The following HECW1 variants were observed in gnomAD, a reference collection of about 807,000 sequenced individuals.
HECW1 encodes HECT, C2 and WW domain containing E3 ubiquitin protein ligase 1.
HECW1 carries 61 observed loss-of-function variants against 182.3 expected under a neutral mutation model. The observed-to-expected ratio is 0.33, with a 90% CI of 0.27 to 0.41. The LOEUF is 0.41. HECW1 is among the 10% of genes least tolerant of loss of function. The probability of loss-of-function intolerance (pLI) is 1.00; values close to 1 mark genes in which losing one functional copy is unlikely to be tolerated. For missense variants in HECW1, 1,739 were observed against 2,108.9 expected (o/e 0.82, Z 3.44); for synonymous variants, 859 against 832.6 (o/e 1.03, Z -0.55).
At chr7:43,164,591 C>T (rs745315084) in intron 2 of HECW1, among the ~76,000 whole-genome samples, 1 of 152,238 alleles carries the variant, frequency 6.6e-6, no homozygotes, top group Non-Finnish European at 1.5e-5. Flanking sequence ...TTTATCAGGC[C>T]TCCTGAGGGT....
chr7:43,339,192 T>A (rs1440621257), intron 5 of HECW1, among the ~76,000 whole-genome samples: 1 of 152,240 alleles, frequency 6.6e-6, no homozygotes, highest in African/African-American at 2.4e-5. Flanking sequence ...TGAGAAGCTA[T>A]TATCTTCTCA....
At chr7:43,461,037 A>G (rs1326986216) in intron 13 of HECW1, among the ~76,000 whole-genome samples, 1 of 152,244 alleles carries the variant, frequency 6.6e-6, no homozygotes, top group Non-Finnish European at 1.5e-5. Flanking sequence ...ACAACTTGAC[A>G]TTTGTCTAAG....
intron 21 of HECW1, among the ~76,000 whole-genome samples, chr7:43,502,456 A>G (rs2079403544): frequency 6.6e-6 from 1 of 152,160 alleles, no homozygotes; most frequent in East Asian, 1.9e-4. Context: ...CAAGAGTTCG[A>G]GACCAGCCTG....
chr7:43,260,062 C>T (rs115509549), intron 3 of HECW1, among the ~76,000 whole-genome samples: 225 of 152,076 alleles, frequency 1.5e-3, no homozygotes, highest in African/African-American at 5.1e-3. Context: ...ATAAAAGCAA[C>T]CACAGGAAAA....
chr7:43,215,020 G>A (rs558748709), intron 2 of HECW1, among the ~76,000 whole-genome samples: 1 of 152,318 alleles, frequency 6.6e-6, no homozygotes, highest in East Asian at 1.9e-4. Flanking sequence ...CCCCTTTTGG[G>A]TATTTATTCA....
chr7:43,224,424 A>G (rs901943063), intron 2 of HECW1, among the ~76,000 whole-genome samples: 3 of 152,196 alleles, frequency 2.0e-5, no homozygotes, highest in Non-Finnish European at 4.4e-5. Context: ...GACACTCACA[A>G]CCTAGCTGAG....
chr7:43,130,919 A>G (rs1463090923), intron 2 of HECW1, among the ~76,000 whole-genome samples: 1 of 152,206 alleles, frequency 6.6e-6, no homozygotes, highest in Non-Finnish European at 1.5e-5. Flanking sequence ...ATATGTATGT[A>G]TCTATTATGC....
At chr7:43,115,083 C>T (rs1784935444) in intron 2 of HECW1, among the ~76,000 whole-genome samples, 1 of 152,172 alleles carries the variant, frequency 6.6e-6, no homozygotes, top group Admixed American at 6.5e-5. Context: ...TGGCTGGTTT[C>T]TATCGTTCTT....
intron 2 of HECW1, among the ~76,000 whole-genome samples, chr7:43,209,756 A>T (rs1795834948): frequency 6.6e-6 from 1 of 152,164 alleles, no homozygotes; most frequent in African/African-American, 2.4e-5. Context: ...AATGTGGAGA[A>T]GAGTGGACAT....
intron 24 of HECW1, among the ~76,000 whole-genome samples, chr7:43,526,093 T>G (rs1474105802): frequency 6.6e-6 from 1 of 152,254 alleles, no homozygotes; most frequent in African/African-American, 2.4e-5. Context: ...GGCTTATGCA[T>G]TCCATATTTT....
chr7:43,393,437 C>T (rs143038683), intron 6 of HECW1, among the ~76,000 whole-genome samples: 16 of 152,310 alleles, frequency 1.1e-4, no homozygotes, highest in African/African-American at 3.6e-4. Context: ...CAACGCATCT[C>T]GAGTGAGAAG....
chr7:43,300,436 GAAC>G (rs1235019464), intron 3 of HECW1, among the ~76,000 whole-genome samples: 1 of 152,202 alleles, frequency 6.6e-6, no homozygotes, highest in Non-Finnish European at 1.5e-5. Context: ...TCTGGAATAT[GAAC>G]TGGCTTTGTC....
chr7:43,479,517 G>A (rs1563032609), intron 16 of HECW1, 93 bp from the exon 17 acceptor site: 1 of 1,450,506 alleles, frequency 6.9e-7, no homozygotes. Context: ...ATAAACCTGA[G>A]GCCTGGGCCC....
intron 3 of HECW1, among the ~76,000 whole-genome samples, chr7:43,304,192 G>A (rs1480925096): frequency 6.6e-6 from 1 of 152,104 alleles, no homozygotes; most frequent in Non-Finnish European, 1.5e-5. Flanking sequence ...TCTGGATAAA[G>A]CTGCCCTGGC....
chr7:43,179,678 A>T (rs1192548633), intron 2 of HECW1, among the ~76,000 whole-genome samples: 2 of 152,192 alleles, frequency 1.3e-5, no homozygotes, highest in African/African-American at 4.8e-5. Context: ...AAATATATTT[A>T]GTATTGCTTA....
intron 8 of HECW1, among the ~76,000 whole-genome samples, chr7:43,433,692 C>T (rs2076620792): frequency 6.6e-6 from 1 of 152,124 alleles, no homozygotes; most frequent in Non-Finnish European, 1.5e-5. Flanking sequence ...AAAGTGAAGC[C>T]AAGAAAGAGA....
chr7:43,278,706 C>T (rs142747363), intron 3 of HECW1, among the ~76,000 whole-genome samples: 101 of 152,194 alleles, frequency 6.6e-4, no homozygotes, highest in African/African-American at 2.4e-3. Flanking sequence ...CAGGCTTGGT[C>T]TCCCCTCTGC....
rs761641337 is a variant in HECW1, at chr7:43,507,275, T to C, written c.3752+18T>C. Reference sequence around the variant, plus strand: ...AAAATTAAGTGAGTGCTCCAGTGCTTGGCACTGAATTCAGACAGTAGATTT... The same window carrying C: ...AAAATTAAGTGAGTGCTCCAGTGCTCGGCACTGAATTCAGACAGTAGATTT... On this transcript the variant is annotated intron_variant, in intron 22 of 29. Coordinates refer to ENST00000395891, the MANE Select transcript of HECW1 (RefSeq NM_015052.5). 1 of 1,609,936 alleles carries C rather than the reference T, an allele frequency of 6.2e-7. No homozygotes were observed. The highest frequency in any genetic ancestry group is 8.5e-7 in the Non-Finnish European group (1 of 1,177,116).
At chr7:43,275,561 A>G (rs574515947) in intron 3 of HECW1, among the ~76,000 whole-genome samples, 158 of 152,318 alleles carry the variant, frequency 1.0e-3, no homozygotes, top group African/African-American at 3.5e-3. Context: ...TAAGTTTTAG[A>G]AAAGTAGGGG....
Sources: allele counts gnomAD v4.1 joint callset (sites outside exome capture counted in the v4.1 genomes callset), GRCh38; gene constraint gnomAD v4.1.1; transcripts MANE v1.5; gene names NCBI Gene and HGNC (gene_info 2026-07-23, HGNC 2026-07-21).